BAALC: variants seen among roughly 807,000 people sequenced by gnomAD.
The protein encoded by BAALC is brain and acute leukemia cytoplasmic protein.
Under a neutral mutation model 15.5 loss-of-function variants are expected in BAALC, and 9 were observed. That is an observed-to-expected ratio of 0.58 (90% confidence interval 0.35 to 1.02). The LOEUF is 1.02. Among genes scored for constraint, BAALC ranks in the 50% least tolerant of loss-of-function variants. BAALC has a pLI of 0.02. For missense variants in BAALC, 201 were observed against 192.4 expected, an observed-to-expected ratio of 1.04 and a Z score of -0.27; for synonymous variants, 80 against 74.6, an observed-to-expected ratio of 1.07 and a Z score of -0.37.
At chr8:103,165,555 G>C (rs1207311406) in intron 1 of BAALC, 3 of 152,148 alleles carry the variant, frequency 2.0e-5, no homozygotes, top group Admixed American at 2.0e-4. Context: ...GAGGTTTTTA[G>C]GAGGCAATCA....
At chr8:103,167,746 G>T (rs1811382637) in intron 1 of BAALC, among the ~76,000 whole-genome samples, 1 of 152,202 alleles carries the variant, frequency 6.6e-6, no homozygotes, top group Non-Finnish European at 1.5e-5. Flanking sequence ...AGTGCTGGGA[G>T]CAGGAAAGGC....
chr8:103,155,795 C>T (rs1811078581), intron 1 of BAALC, among the ~76,000 whole-genome samples: 1 of 152,190 alleles, frequency 6.6e-6, no homozygotes, highest in African/African-American at 2.4e-5. Flanking sequence ...AGAAAACCTG[C>T]AGTGTCTCCA....
intron 1 of BAALC, among the ~76,000 whole-genome samples, chr8:103,150,333 C>CTGTGTGTGTGTG (rs34233321): frequency 2.5e-4 from 38 of 149,268 alleles, no homozygotes; most frequent in Non-Finnish European, 3.9e-4. Context: ...AGAAACATGG[C>CTGTGTGTGTGTG]TGTGTGTGTG....
intron 1 of BAALC, among the ~76,000 whole-genome samples, chr8:103,174,065 G>A (rs960400266): frequency 4.9e-4 from 74 of 152,318 alleles, no homozygotes; most frequent in African/African-American, 1.8e-3. Flanking sequence ...AGACGATCCA[G>A]AGTGTGAAAA....
At chr8:103,194,114 T>C (rs1426210805) in intron 1 of BAALC, among the ~76,000 whole-genome samples, 1 of 152,222 alleles carries the variant, frequency 6.6e-6, no homozygotes, top group African/African-American at 2.4e-5. Context: ...GACTTTCTTA[T>C]GAAGCAGGGA....
chr8:103,222,210 T>C (rs1442057382), intron 2 of BAALC, among the ~76,000 whole-genome samples: 1 of 152,088 alleles, frequency 6.6e-6, no homozygotes, highest in African/African-American at 2.4e-5. Flanking sequence ...GTTGTAAATT[T>C]TTTACAGACT....
At chr8:103,209,802 T>G (rs537347287) in intron 1 of BAALC, among the ~76,000 whole-genome samples, 3 of 152,242 alleles carry the variant, frequency 2.0e-5, no homozygotes, top group Non-Finnish European at 4.4e-5. Flanking sequence ...TGCCTTTGGA[T>G]GTTCTGGCAA....
intron 2 of BAALC, among the ~76,000 whole-genome samples, chr8:103,216,367 T>C (rs769964874): frequency 2.0e-5 from 3 of 152,240 alleles, no homozygotes; most frequent in Non-Finnish European, 2.9e-5. Flanking sequence ...TGCTGCTTTA[T>C]ACTCTAACTA....
At chr8:103,207,309 T>C (rs1812352473) in intron 1 of BAALC, among the ~76,000 whole-genome samples, 1 of 152,208 alleles carries the variant, frequency 6.6e-6, no homozygotes, top group East Asian at 1.9e-4. Context: ...ACATGGGAGA[T>C]ATCTAGGCAA....
intron 1 of BAALC, among the ~76,000 whole-genome samples, chr8:103,207,247 A>G (rs1159631657): frequency 2.6e-5 from 4 of 152,244 alleles, no homozygotes; most frequent in African/African-American, 7.2e-5. Context: ...TGAAAGACAG[A>G]TTAATAAGAT....
At chr8:103,163,242 T>C (rs370572195) in intron 1 of BAALC, among the ~76,000 whole-genome samples, 1 of 152,128 alleles carries the variant, frequency 6.6e-6, no homozygotes, top group East Asian at 1.9e-4. Flanking sequence ...ATTTGTCCCA[T>C]GCTCTACCCA....
rs374039831 is a variant in BAALC at position 103,185,380 on chromosome 8, GT to G, written c.161-27535del. On this transcript the variant is annotated intron_variant, in intron 1 of 2. Coordinates refer to ENST00000309982, the MANE Select transcript of BAALC (RefSeq NM_024812.3). Reference sequence around the variant, plus strand: ...CTACTTTTCTATTTTTTTCCTCTGTGTTTTCATCTTCTTTTGGATTGTTCCT... The same window carrying G: ...CTACTTTTCTATTTTTTTCCTCTGTGTTTCATCTTCTTTTGGATTGTTCCT... Among the ~76,000 whole-genome samples the G allele has an allele frequency of 4.2e-4, 64 of 151,976 alleles. No homozygotes were observed. In the South Asian group the frequency reaches 7.5e-3, roughly 18 times the overall value.
intron 1 of BAALC, among the ~76,000 whole-genome samples, chr8:103,160,836 C>T (rs1022276805): frequency 7.9e-5 from 12 of 152,204 alleles, no homozygotes; most frequent in South Asian, 4.2e-4. Context: ...TGCCTTTTCA[C>T]GTTTTTCTGC....
intron 1 of BAALC, among the ~76,000 whole-genome samples, chr8:103,178,828 A>C (rs1437447286): frequency 1.3e-5 from 2 of 150,978 alleles, no homozygotes; most frequent in Non-Finnish European, 2.9e-5. Context: ...GCACCACTGC[A>C]CTCCAGCCTG....
Position 103,195,680 on chromosome 8 carries a change from A to G in BAALC, c.161-17239A>G, listed in dbSNP as rs111757062. On this transcript the variant is annotated intron_variant, in intron 1 of 2. Transcript: ENST00000309982. ...GGAATTAGAAGAGCAAGCATGGTTC[A>G]TGTTTGCACTTGCTTTCTCTGGAAT... Among the ~76,000 whole-genome samples, 879 of 152,276 alleles carry G rather than the reference A, an allele frequency of 5.8e-3. 7 individuals carry two copies. The highest frequency in any genetic ancestry group is 0.019 in the African/African-American group (771 of 41,554).
rs954901795 is a variant in BAALC, at chr8:103,229,909, A to C, written c.*1810A>C. 6.6e-6 allele frequency: 1 copy of C among 152,200 alleles called. No homozygotes were observed. The highest frequency in any genetic ancestry group is 6.5e-5 in the Admixed American group (1 of 15,282). The allele number at this position is 152,200 out of a possible 1,614,324, so 9.4% of individuals were successfully genotyped here. A position where few individuals can be genotyped will look rare whatever the true frequency, so the allele number is the denominator to read the frequency against. On this transcript the variant is annotated 3_prime_UTR_variant, in exon 3 of 3. Transcript: ENST00000309982. ...GTCCCCACTGGCATTACTCAGCAGG[A>C]GCCCCCAGCTGCCAAAGGTTGGCAG...
intron 1 of BAALC, among the ~76,000 whole-genome samples, chr8:103,186,404 G>C (rs977131022): frequency 6.6e-6 from 1 of 152,218 alleles, no homozygotes; most frequent in African/African-American, 2.4e-5. Flanking sequence ...CTGAACCCCA[G>C]TGCTGTTTGA....
Position 103,154,054 on chromosome 8 carries a change from AG to A in BAALC, c.160+13000del, listed in dbSNP as rs1247969708. Among the ~76,000 whole-genome samples the A allele has an allele frequency of 1.6e-4, 25 of 152,298 alleles. No individual in the cohort carries two copies. In the East Asian group the frequency reaches 4.6e-3, roughly 28 times the overall value. ...GATTACCTCCAAGAATCACTTTTCA[AG>A]GGCAGTCTTCATAGCAGTCAGGCTC... On this transcript the variant is annotated intron_variant, in intron 1 of 2. Transcript: ENST00000309982.
intron 1 of BAALC, among the ~76,000 whole-genome samples, chr8:103,194,396 A>T (rs1435428550): frequency 6.6e-6 from 1 of 152,222 alleles, no homozygotes; most frequent in Non-Finnish European, 1.5e-5. Flanking sequence ...AATTCCTGTC[A>T]CAAAATGATG....
Sources: allele counts gnomAD v4.1 joint callset (sites outside exome capture counted in the v4.1 genomes callset), GRCh38; gene constraint gnomAD v4.1.1; transcripts MANE v1.5; gene names NCBI Gene and HGNC (gene_info 2026-07-23, HGNC 2026-07-21).